The following SLC14A2 variants were observed in gnomAD, a reference collection of about 807,000 sequenced individuals.
The protein encoded by SLC14A2 is urea transporter 2.
A neutral mutation model predicts 104.6 loss-of-function variants in SLC14A2; 91 were observed. The ratio of observed to expected loss-of-function variants is 0.87; its 90% CI spans 0.73 to 1.04. The LOEUF is 1.04. Among genes scored for constraint, SLC14A2 ranks in the 50% least tolerant of loss-of-function variants. The pLI is 0.00. For synonymous variants in SLC14A2, 476 were observed against 466.4 expected, an observed-to-expected ratio of 1.02 and a Z score of -0.27; for missense variants, 1,189 against 1,156.0, an observed-to-expected ratio of 1.03 and a Z score of -0.41.
At chr18:45,202,160 CTT>C in the SLC14A2 span, among the ~76,000 whole-genome samples, 1 of 152,226 alleles carries the variant, frequency 6.6e-6, no homozygotes, top group South Asian at 2.1e-4. Flanking sequence ...TGCAACCTAT[CTT>C]TTATGTGTGC....
At chr18:45,611,671 G>A (rs1357371882), upstream of SLC14A2, among the ~76,000 whole-genome samples, 2 of 152,198 alleles carry the variant, frequency 1.3e-5, no homozygotes, top group Admixed American at 6.5e-5. Flanking sequence ...GAGAACCTTA[G>A]GGAAGAGTCC....
chr18:45,630,228 T>C (rs1473825496), intron 4 of SLC14A2, among the ~76,000 whole-genome samples: 1 of 152,190 alleles, frequency 6.6e-6, no homozygotes, highest in Non-Finnish European at 1.5e-5. Flanking sequence ...TGTCTTGTTC[T>C]GCATCATAGG....
chr18:45,648,987 T>C (rs979654613), intron 10 of SLC14A2, among the ~76,000 whole-genome samples: 1 of 152,106 alleles, frequency 6.6e-6, no homozygotes, highest in African/African-American at 2.4e-5. Flanking sequence ...CTGGCTAACA[T>C]GGTGAAACCC....
chr18:45,356,379 G>A (rs1320336299), intron 1 of SLC14A2, among the ~76,000 whole-genome samples: 2 of 152,152 alleles, frequency 1.3e-5, no homozygotes, highest in Non-Finnish European at 2.9e-5. Context: ...CATCATATAG[G>A]AGTGCTGGTT....
intron 2 of SLC14A2, among the ~76,000 whole-genome samples, chr18:45,488,372 G>GAGGGC (rs2087653351): frequency 6.6e-6 from 1 of 152,326 alleles, no homozygotes; most frequent in South Asian, 2.1e-4. Context: ...GGCAGAGGCT[G>GAGGGC]AGGGCAGGGC....
rs551820128 is a variant in SLC14A2 at position 45,304,150 on chromosome 18, T to A, written c.-125+90959T>A. 3.3e-5 allele frequency among the ~76,000 whole-genome samples: 5 copies of A among 152,310 alleles called. 1 individual carries two copies. In the East Asian group the frequency reaches 9.6e-4, roughly 29 times the overall value. On this transcript the variant is annotated intron_variant, in intron 1 of 20. Transcript: ENST00000586448. ...GGAGCCATTGCAAGGGAATTTTAATTGCACATGTACATATATATTTTCCTC... is the reference window on the plus strand; with the variant it reads ...GGAGCCATTGCAAGGGAATTTTAATAGCACATGTACATATATATTTTCCTC...
intron 1 of SLC14A2, among the ~76,000 whole-genome samples, chr18:45,368,818 A>C (rs750378671): frequency 5.3e-5 from 8 of 152,182 alleles, no homozygotes; most frequent in Non-Finnish European, 1.2e-4. Flanking sequence ...TTGGACACTG[A>C]AGTGTTCCGA....
chr18:45,643,298 C>T (rs2045562161), intron 9 of SLC14A2, 117 bp downstream of exon 9: 1 of 855,366 alleles, frequency 1.2e-6, no homozygotes. Flanking sequence ...CTGGTGCTCA[C>T]ACGACATCTC....
At chr18:45,218,525 T>A (rs977007705) in intron 1 of SLC14A2, among the ~76,000 whole-genome samples, 11 of 152,216 alleles carry the variant, frequency 7.2e-5, no homozygotes, top group Non-Finnish European at 1.5e-4. Context: ...CTGTTTGACT[T>A]CAGAGCTTGA....
chr18:45,212,748 T>C (rs1382010071), upstream of SLC14A2, among the ~76,000 whole-genome samples: 1 of 152,150 alleles, frequency 6.6e-6, no homozygotes, highest in Admixed American at 6.5e-5. Context: ...GGTGTACCCT[T>C]CAATGTAGGG....
intron 1 of SLC14A2, among the ~76,000 whole-genome samples, chr18:45,432,544 A>G (rs575724190): frequency 6.6e-6 from 1 of 152,252 alleles, no homozygotes; most frequent in African/African-American, 2.4e-5. Context: ...GCTAGAAAAT[A>G]CCCAGAGTGA....
intron 1 of SLC14A2, among the ~76,000 whole-genome samples, chr18:45,363,721 C>T (rs1489415834): frequency 1.3e-5 from 2 of 152,144 alleles, no homozygotes; most frequent in Non-Finnish European, 2.9e-5. Context: ...AAAAGTAACA[C>T]ATTGGGTCTT....
the SLC14A2 span, among the ~76,000 whole-genome samples, chr18:45,174,447 T>C: frequency 6.6e-6 from 1 of 152,126 alleles, no homozygotes; most frequent in Non-Finnish European, 1.5e-5. Context: ...TCTAGCAAGG[T>C]TACACATATT....
intron 1 of SLC14A2, among the ~76,000 whole-genome samples, chr18:45,322,464 G>A (rs1466054518): frequency 6.6e-6 from 1 of 152,186 alleles, no homozygotes; most frequent in Non-Finnish European, 1.5e-5. Context: ...AGAACAGAAT[G>A]GGACTTACAT....
chr18:45,503,471 C>T (rs2043231270), intron 2 of SLC14A2, among the ~76,000 whole-genome samples: 1 of 152,122 alleles, frequency 6.6e-6, no homozygotes, highest in Non-Finnish European at 1.5e-5. Flanking sequence ...CTTATTTTTC[C>T]TCCTTCCCTT....
chr18:45,383,448 A>AC (rs1341284124), intron 1 of SLC14A2, among the ~76,000 whole-genome samples: 2 of 152,132 alleles, frequency 1.3e-5, no homozygotes, highest in Non-Finnish European at 2.9e-5. Context: ...ATCCAGAGTA[A>AC]CCCACTCAGC....
intron 11 of SLC14A2, among the ~76,000 whole-genome samples, chr18:45,665,284 A>G (rs2045998702): frequency 6.6e-6 from 1 of 152,158 alleles, no homozygotes; most frequent in Non-Finnish European, 1.5e-5. Context: ...TGCTATTCTC[A>G]CACTTGACCA....
chr18:45,399,520 T>C (rs997360156), intron 1 of SLC14A2, among the ~76,000 whole-genome samples: 20 of 152,188 alleles, frequency 1.3e-4, no homozygotes, highest in African/African-American at 4.8e-4. Flanking sequence ...AAGAAGGTCA[T>C]GTGGGTGAAA....
chr18:45,187,555 T>C, the SLC14A2 span, among the ~76,000 whole-genome samples: 1 of 152,142 alleles, frequency 6.6e-6, no homozygotes, highest in Non-Finnish European at 1.5e-5. Flanking sequence ...GAGAAGGAGA[T>C]AATCTTGGCA....
Sources: allele counts gnomAD v4.1 joint callset (sites outside exome capture counted in the v4.1 genomes callset), GRCh38; gene constraint gnomAD v4.1.1; transcripts MANE v1.5; gene names NCBI Gene and HGNC (gene_info 2026-07-23, HGNC 2026-07-21).